The following PID1 variants were observed in gnomAD, a reference collection of about 807,000 sequenced individuals.
The protein encoded by PID1 is phosphotyrosine interaction domain containing 1.
A neutral mutation model predicts 19.1 loss-of-function variants in PID1; 10 were observed. The observed-to-expected ratio is 0.52, with a 90% CI of 0.32 to 0.89. The LOEUF is 0.89. Ranked by LOEUF, PID1 falls within the 40% of genes least tolerant of loss-of-function variation. PID1 has a pLI of 0.03. For missense variants in PID1, 248 were observed against 285.3 expected (o/e 0.87, Z 0.94); for synonymous variants, 130 against 116.0 (o/e 1.12, Z -0.78).
intron 1 of PID1, among the ~76,000 whole-genome samples, chr2:229,204,221 C>T (rs1194679690): frequency 6.6e-6 from 1 of 151,904 alleles, no homozygotes; most frequent in African/African-American, 2.4e-5. Flanking sequence ...GGGGAGGAAA[C>T]TATAGTTTAT....
At chr2:229,174,755 T>A (rs1574691497) in intron 1 of PID1, among the ~76,000 whole-genome samples, 2 of 149,364 alleles carry the variant, frequency 1.3e-5, no homozygotes, top group African/African-American at 2.5e-5. Context: ...AGAGTACAGG[T>A]TTAAATAAAA....
chr2:229,140,106 C>A (rs1422150930), intron 2 of PID1, among the ~76,000 whole-genome samples: 1 of 152,098 alleles, frequency 6.6e-6, no homozygotes. Context: ...ATGCTATGTC[C>A]ACCCCGGAAG....
intron 2 of PID1, among the ~76,000 whole-genome samples, chr2:229,028,808 G>A (rs921126352): frequency 2.6e-5 from 4 of 152,118 alleles, no homozygotes; most frequent in Admixed American, 6.5e-5. Flanking sequence ...CAAACTATGC[G>A]CTAATGAGCG....
At chr2:229,102,870 A>C (rs112671448) in intron 2 of PID1, among the ~76,000 whole-genome samples, 1 of 152,240 alleles carries the variant, frequency 6.6e-6, no homozygotes, top group African/African-American at 2.4e-5. Context: ...AGCCTCCATG[A>C]GGGTTTGGAG....
At chr2:229,147,992 G>C (rs939419176) in intron 2 of PID1, among the ~76,000 whole-genome samples, 2 of 152,144 alleles carry the variant, frequency 1.3e-5, no homozygotes, top group Non-Finnish European at 2.9e-5. Context: ...CCAATCATAA[G>C]AGTGACCCCA....
In PID1 at chr2:229,129,507, A is replaced by G. The variant is rs150380029; in HGVS notation, c.177+26311T>C. The stretch of plus-strand genomic sequence containing the variant: ...TTTTACACACCCAAACCTAAATGTG[A>G]CTATGGTAATAAGTATCTTAATTTT... On this transcript the variant is annotated intron_variant, in intron 2 of 2. Transcript: ENST00000392055. Among the ~76,000 whole-genome samples the G allele has an allele frequency of 2.2e-4, 33 of 152,110 alleles. No individual in the cohort carries two copies. In the East Asian group the frequency reaches 5.6e-3, roughly 26 times the overall value.
intron 2 of PID1, among the ~76,000 whole-genome samples, chr2:229,058,081 T>C (rs923809347): frequency 3.3e-5 from 5 of 152,164 alleles, no homozygotes; most frequent in African/African-American, 1.2e-4. Context: ...CCAGAATAAA[T>C]ATAATTTTCA....
At chr2:229,121,233 T>A (rs1695511951) in intron 2 of PID1, among the ~76,000 whole-genome samples, 1 of 152,180 alleles carries the variant, frequency 6.6e-6, no homozygotes, top group African/African-American at 2.4e-5. Context: ...TCATCTCTGG[T>A]GGGAGTACCA....
In PID1 at chr2:229,024,377, A is replaced by T. The variant is rs1485823683; in HGVS notation, c.*1255T>A. On this transcript the variant is annotated 3_prime_UTR_variant, in exon 3 of 3. Transcript: ENST00000392055. The stretch of plus-strand genomic sequence containing the variant: ...CAATGTGTGTATTTTAACAAATACA[A>T]TTTCATTCTATGTTGACTCTGTGTT... 5.9e-5 allele frequency: 9 copies of T among 152,472 alleles called. No individual in the cohort carries two copies. Among genetic ancestry groups the T allele is most frequent in the Non-Finnish European group, 1.3e-4 (9 of 68,036 alleles). The allele number at this position is 152,472 out of a possible 1,614,324, so 9.4% of individuals were successfully genotyped here. A position where few individuals can be genotyped will look rare whatever the true frequency, so the allele number is the denominator to read the frequency against.
rs931505963 is a variant in PID1, at chr2:229,209,577, G to A, written c.31-53613C>T. 2.0e-5 allele frequency among the ~76,000 whole-genome samples: 3 copies of A among 152,124 alleles called. No individual in the cohort carries two copies. In the South Asian group the frequency reaches 6.2e-4, roughly 32 times the overall value. On this transcript the variant is annotated intron_variant, in intron 1 of 2. Transcript: ENST00000392055. ...CCACATGGAAGACAGCCACCGAATT[G>A]TCCAGGAACACAACTTTGAATTAGG...
At chr2:229,264,490 C>T (rs1690542669) in intron 1 of PID1, among the ~76,000 whole-genome samples, 1 of 152,122 alleles carries the variant, frequency 6.6e-6, no homozygotes, top group Non-Finnish European at 1.5e-5. Context: ...CCCCAAGTCC[C>T]AGCCCAGCTC....
intron 2 of PID1, among the ~76,000 whole-genome samples, chr2:229,068,412 CG>C (rs1694376430): frequency 6.7e-6 from 1 of 150,092 alleles, no homozygotes; most frequent in African/African-American, 2.5e-5. Context: ...GTAGACTGTC[CG>C]GGTGTAACGA....
At chr2:229,105,326 A>G (rs1204077435) in intron 2 of PID1, among the ~76,000 whole-genome samples, 1 of 152,236 alleles carries the variant, frequency 6.6e-6, no homozygotes, top group Non-Finnish European at 1.5e-5. Flanking sequence ...GGGAGATTCA[A>G]TCACCGACAG....
At chr2:229,134,202 T>C (rs559404765) in intron 2 of PID1, among the ~76,000 whole-genome samples, 64 of 151,138 alleles carry the variant, frequency 4.2e-4, no homozygotes, top group African/African-American at 1.4e-3. Context: ...TCCACTAGCA[T>C]TCTTTCAATA....
intron 1 of PID1, among the ~76,000 whole-genome samples, chr2:229,177,265 T>C (rs185274609): frequency 6.6e-6 from 1 of 152,062 alleles, no homozygotes; most frequent in Non-Finnish European, 1.5e-5. Context: ...CCATATCGCC[T>C]CCCAAGCCCC....
chr2:229,089,119 G>A (rs1033933853), intron 2 of PID1, among the ~76,000 whole-genome samples: 1 of 152,008 alleles, frequency 6.6e-6, no homozygotes, highest in Admixed American at 6.6e-5. Context: ...GTGAAGGAGA[G>A]AGAGAGAGTG....
intron 1 of PID1, among the ~76,000 whole-genome samples, chr2:229,203,757 C>G (rs1190887116): frequency 6.6e-6 from 1 of 152,052 alleles, no homozygotes; most frequent in African/African-American, 2.4e-5. Context: ...TGGACATACC[C>G]AGCTCCTTAA....
At chr2:229,076,431 CTG>C (rs1461361057) in intron 2 of PID1, among the ~76,000 whole-genome samples, 1 of 151,760 alleles carries the variant, frequency 6.6e-6, no homozygotes, top group East Asian at 1.9e-4. Flanking sequence ...TCTGGGATAA[CTG>C]TGCAGAACGA....
At chr2:229,084,271 C>T (rs1164517291) in intron 2 of PID1, among the ~76,000 whole-genome samples, 2 of 152,178 alleles carry the variant, frequency 1.3e-5, no homozygotes, top group Non-Finnish European at 2.9e-5. Context: ...TATTGGCCAC[C>T]TCCTGTATTA....
Sources: allele counts gnomAD v4.1 joint callset (sites outside exome capture counted in the v4.1 genomes callset), GRCh38; gene constraint gnomAD v4.1.1; transcripts MANE v1.5; gene names NCBI Gene and HGNC (gene_info 2026-07-23, HGNC 2026-07-21).